FBXO16: variants seen among roughly 807,000 people sequenced by gnomAD.
The protein encoded by FBXO16 is F-box only protein 16.
FBXO16 carries 31 observed loss-of-function variants against 41.0 expected under a neutral mutation model. The ratio of observed to expected loss-of-function variants is 0.76; its 90% confidence interval spans 0.57 to 1.02. The LOEUF is 1.02. Ranked by LOEUF, FBXO16 falls within the 50% of genes least tolerant of loss-of-function variation. The pLI, the probability that FBXO16 is intolerant of heterozygous loss-of-function variation, is 0.00. For synonymous variants in FBXO16, 133 were observed against 117.8 expected (o/e 1.13, Z -0.84); for missense variants, 361 against 346.2 (o/e 1.04, Z -0.34).
At position 28,460,879 on chromosome 8, in the gene FBXO16, C is replaced by T. The variant is rs192770726; in HGVS notation, c.342+2733G>A. Among the ~76,000 whole-genome samples, 12 of 152,082 alleles carry T rather than the reference C, an allele frequency of 7.9e-5. No individual in the cohort carries two copies. In the East Asian group the frequency reaches 9.7e-4, roughly 12 times the overall value. ...CCTCCCGAGTAGTTGGGACTATGGGCACGTGCCACCACACCTGGCTAATTT... is the reference window on the plus strand; with the variant it reads ...CCTCCCGAGTAGTTGGGACTATGGGTACGTGCCACCACACCTGGCTAATTT... On this transcript the variant is annotated intron_variant, in intron 4 of 8. Transcript: ENST00000380254.
At chr8:28,463,108 T>C (rs1803163435) in intron 4 of FBXO16, among the ~76,000 whole-genome samples, 1 of 152,198 alleles carries the variant, frequency 6.6e-6, no homozygotes, top group African/African-American at 2.4e-5. Context: ...TACAAACATA[T>C]TGATCATCCC....
At chr8:28,477,446 C>T (rs968963940) in intron 2 of FBXO16, among the ~76,000 whole-genome samples, 3 of 152,152 alleles carry the variant, frequency 2.0e-5, no homozygotes, top group Non-Finnish European at 4.4e-5. Flanking sequence ...TCAAGGTCAT[C>T]TGATCCAATC....
At chr8:28,431,687 G>A (rs1209036497) in intron 7 of FBXO16, among the ~76,000 whole-genome samples, 1 of 152,148 alleles carries the variant, frequency 6.6e-6, no homozygotes, top group Admixed American at 6.5e-5. Flanking sequence ...TAACTTCTGA[G>A]CACCTCCAGA....
intron 7 of FBXO16, among the ~76,000 whole-genome samples, chr8:28,432,128 AGTGTGTGTGTGTGTGTGT>A (rs56917233): frequency 2.8e-5 from 4 of 142,814 alleles, no homozygotes; most frequent in South Asian, 2.3e-4. Context: ...CTATGTATGG[AGTGTGTGTGTGTGTGTGT>A]GTGTGTGTGT....
At position 28,483,398 on chromosome 8, in the gene FBXO16, T is replaced by C. The variant is rs1381535840; in HGVS notation, c.49A>G (p.Thr17Ala). The change falls in exon 2 of 9, where the codon ACA (threonine) becomes GCA (alanine). Residue 17 changes from threonine to alanine, a missense_variant. Physicochemically the swap from Thr to Ala is moderately conservative, Grantham distance 58. Coordinates refer to ENST00000380254, the MANE Select transcript of FBXO16 (RefSeq NM_172366.4). Reference protein sequence around the residue: ...PKNTDGPKMQTKMSTWTPLNH... With the variant: ...PKNTDGPKMQAKMSTWTPLNH... The stretch of plus-strand genomic sequence containing the variant: ...AGGGGTGTCCAGGTGCTCATCTTTG[T>C]CTGCATTTTGGGACCATCTGTGTTT... The C allele has an allele frequency of 6.2e-7, 1 of 1,614,202 alleles. No individual in the cohort carries two copies. Among genetic ancestry groups the C allele is most frequent in the Non-Finnish European group, 8.5e-7 (1 of 1,180,034 alleles).
intron 1 of FBXO16, among the ~76,000 whole-genome samples, chr8:28,486,924 G>C (rs1005873496): frequency 6.6e-6 from 1 of 152,022 alleles, no homozygotes; most frequent in African/African-American, 2.4e-5. Context: ...TATGATGAAA[G>C]CTATGAATTC....
At chr8:28,443,598 G>T (rs1233976464) in intron 7 of FBXO16, among the ~76,000 whole-genome samples, 1 of 152,104 alleles carries the variant, frequency 6.6e-6, no homozygotes, top group Non-Finnish European at 1.5e-5. Context: ...TCTGTCAGAG[G>T]TGTTTGAACC....
chr8:28,485,832 G>A (rs756356087), intron 1 of FBXO16, among the ~76,000 whole-genome samples: 1 of 152,224 alleles, frequency 6.6e-6, no homozygotes, highest in Non-Finnish European at 1.5e-5. Context: ...ATACAGGCCG[G>A]CATGGTGCCT....
chr8:28,434,850 C>A (rs986092940), intron 7 of FBXO16, among the ~76,000 whole-genome samples: 1 of 152,240 alleles, frequency 6.6e-6, no homozygotes, highest in Non-Finnish European at 1.5e-5. Flanking sequence ...CCGTGCAGGG[C>A]CCGAGGCCAG....
At chr8:28,475,352 CACAG>C (rs1170217382) in intron 2 of FBXO16, among the ~76,000 whole-genome samples, 1 of 152,216 alleles carries the variant, frequency 6.6e-6, no homozygotes, top group Non-Finnish European at 1.5e-5. Flanking sequence ...TCTCTTCTGT[CACAG>C]ACAGACACTT....
intron 2 of FBXO16, among the ~76,000 whole-genome samples, chr8:28,475,921 T>A (rs572028790): frequency 6.6e-6 from 1 of 152,188 alleles, no homozygotes; most frequent in South Asian, 2.1e-4. Flanking sequence ...ACCAAAGAGG[T>A]TATATTTACA....
chr8:28,435,860 T>C (rs1802680128), intron 7 of FBXO16, among the ~76,000 whole-genome samples: 1 of 152,142 alleles, frequency 6.6e-6, no homozygotes, highest in Admixed American at 6.5e-5. Context: ...GGCGGTGGGA[T>C]TTCACCAGGG....
At chr8:28,480,845 C>T (rs1803499182) in intron 2 of FBXO16, among the ~76,000 whole-genome samples, 1 of 152,134 alleles carries the variant, frequency 6.6e-6, no homozygotes, top group South Asian at 2.1e-4. Context: ...AACCAGGTTC[C>T]TGGAGGTACA....
intron 4 of FBXO16, among the ~76,000 whole-genome samples, 196 bp downstream of exon 4, chr8:28,463,416 A>G (rs990147701): frequency 6.0e-5 from 9 of 150,366 alleles, no homozygotes; most frequent in African/African-American, 1.7e-4. Flanking sequence ...GTGTGTGTGT[A>G]TATGTATGTG....
intron 7 of FBXO16, among the ~76,000 whole-genome samples, chr8:28,429,758 C>T (rs753687007): frequency 2.0e-5 from 3 of 152,150 alleles, no homozygotes; most frequent in Non-Finnish European, 4.4e-5. Flanking sequence ...TGATATCCGC[C>T]GATGACAGCT....
chr8:28,480,502 CT>C (rs1054546023), intron 2 of FBXO16, among the ~76,000 whole-genome samples: 9 of 149,202 alleles, frequency 6.0e-5, no homozygotes, highest in East Asian at 2.0e-4. Flanking sequence ...TTCTTTCTTT[CT>C]TTTTTTTTTC....
At chr8:28,470,477 G>T (rs1238985478) in intron 3 of FBXO16, among the ~76,000 whole-genome samples, 1 of 152,178 alleles carries the variant, frequency 6.6e-6, no homozygotes, top group Non-Finnish European at 1.5e-5. Flanking sequence ...CATAAATAGA[G>T]GTTCAAAGCG....
chr8:28,464,738 C>G (rs1803205417), intron 3 of FBXO16, among the ~76,000 whole-genome samples: 1 of 152,154 alleles, frequency 6.6e-6, no homozygotes, highest in Admixed American at 6.5e-5. Flanking sequence ...ACTGCAACCT[C>G]CACCTCCTGG....
intron 6 of FBXO16, among the ~76,000 whole-genome samples, chr8:28,451,930 G>T (rs539537822): frequency 1.3e-4 from 20 of 149,544 alleles, no homozygotes; most frequent in Non-Finnish European, 2.9e-4. Context: ...GTTGCAGTGA[G>T]CTGAGATTGC....
Sources: allele counts gnomAD v4.1 joint callset (sites outside exome capture counted in the v4.1 genomes callset), GRCh38; gene constraint gnomAD v4.1.1; transcripts MANE v1.5; gene names NCBI Gene and HGNC (gene_info 2026-07-23, HGNC 2026-07-21).